LRIG1: variants seen among roughly 807,000 people sequenced by gnomAD.
LRIG1 encodes leucine-rich repeats and immunoglobulin-like domains protein 1.
LRIG1 carries 48 observed loss-of-function variants against 99.2 expected under a neutral mutation model. The observed-to-expected ratio is 0.48, with a 90% CI of 0.38 to 0.62. The LOEUF is 0.62. Ranked by LOEUF, LRIG1 falls within the 20% of genes least tolerant of loss-of-function variation. The probability of loss-of-function intolerance (pLI) is 0.00; values close to 1 mark genes in which losing one functional copy is unlikely to be tolerated. For synonymous variants in LRIG1, 772 were observed against 596.1 expected, an observed-to-expected ratio of 1.29 and a Z score of -4.30; for missense variants, 1,646 against 1,434.4, an observed-to-expected ratio of 1.15 and a Z score of -2.38.
chr3:66,412,805 A>G (rs1014058707), intron 6 of LRIG1, 66 bp downstream of exon 6: 17 of 1,581,428 alleles, frequency 1.1e-5, no homozygotes, highest in African/African-American at 2.7e-5. Context: ...GCACACACAC[A>G]CACGCCACAT....
At chr3:66,416,681 G>T (rs1702624513) in intron 4 of LRIG1, among the ~76,000 whole-genome samples, 1 of 152,180 alleles carries the variant, frequency 6.6e-6, no homozygotes, top group Admixed American at 6.5e-5. Flanking sequence ...TTGTTTTACA[G>T]TGCATGACAC....
chr3:66,492,960 T>C (rs1407594203), intron 1 of LRIG1, among the ~76,000 whole-genome samples: 5 of 152,184 alleles, frequency 3.3e-5, no homozygotes, highest in Admixed American at 1.3e-4. Context: ...GCCAGATTCC[T>C]CAAATGACCC....
rs181876335 is a variant in LRIG1, at chr3:66,420,064, G to A, written c.366-2798C>T. Among the ~76,000 whole-genome samples, 172 of 152,186 alleles carry A rather than the reference G, an allele frequency of 1.1e-3. No individual in the cohort carries two copies. The Middle Eastern group carries it at 0.014, about 12-fold the overall frequency. On this transcript the variant is annotated intron_variant, in intron 3 of 18. Coordinates refer to ENST00000273261, the MANE Select transcript of LRIG1 (RefSeq NM_015541.3). ...TATGCAAATCACATTTCTGATAAGG[G>A]GCTAATATCCAGATATAAAGAACCT...
At chr3:66,490,374 C>T (rs892366293) in intron 1 of LRIG1, among the ~76,000 whole-genome samples, 2 of 152,172 alleles carry the variant, frequency 1.3e-5, no homozygotes, top group South Asian at 4.1e-4. Flanking sequence ...CTGGAAGCAA[C>T]GAGCTCTTCT....
intron 1 of LRIG1, among the ~76,000 whole-genome samples, chr3:66,488,070 A>G (rs1023024462): frequency 2.0e-5 from 3 of 152,212 alleles, no homozygotes; most frequent in African/African-American, 7.2e-5. Flanking sequence ...ACGATAAAGA[A>G]TGAGTGGAAG....
At chr3:66,499,611 G>A (rs1453541338) in intron 1 of LRIG1, among the ~76,000 whole-genome samples, 1 of 152,124 alleles carries the variant, frequency 6.6e-6, no homozygotes, top group Non-Finnish European at 1.5e-5. Flanking sequence ...CGCACAGAGA[G>A]GCAAGTCAGG....
chr3:66,424,384 G>A (rs551251939), intron 3 of LRIG1, among the ~76,000 whole-genome samples: 1 of 152,224 alleles, frequency 6.6e-6, no homozygotes, highest in South Asian at 2.1e-4. Flanking sequence ...TAAACAGCTG[G>A]CATTCAAACC....
At chr3:66,467,895 A>C (rs1700511337) in intron 1 of LRIG1, among the ~76,000 whole-genome samples, 1 of 152,252 alleles carries the variant, frequency 6.6e-6, no homozygotes, top group Non-Finnish European at 1.5e-5. Context: ...TGAGCTACCC[A>C]ATAACTCGAG....
chr3:66,407,243 C>G (rs150497016), intron 8 of LRIG1, 105 bp downstream of exon 8: 72 of 1,247,428 alleles, frequency 5.8e-5, no homozygotes, highest in African/African-American at 2.8e-4. Context: ...GGATCCAATT[C>G]TGACTCGAAG....
In LRIG1 at chr3:66,408,972, G is replaced by A. The variant is rs1702374186; in HGVS notation, c.935+1157C>T. The stretch of plus-strand genomic sequence containing the variant: ...TGTGTGTGTGTGTGTGGTGGGGGGA[G>A]GGGGGGAGGAGGAGGGAAGGAAGGA... On this transcript the variant is annotated intron_variant, in intron 7 of 18. Coordinates refer to ENST00000273261, the MANE Select transcript of LRIG1 (RefSeq NM_015541.3). 1.4e-5 allele frequency among the ~76,000 whole-genome samples: 2 copies of A among 146,774 alleles called. 1 individual carries two copies. The highest frequency in any genetic ancestry group is 4.4e-4 in the South Asian group (2 of 4,534).
intron 4 of LRIG1, among the ~76,000 whole-genome samples, chr3:66,415,626 C>T (rs1702595981): frequency 6.6e-6 from 1 of 152,076 alleles, no homozygotes; most frequent in Non-Finnish European, 1.5e-5. Context: ...GTGCAGAATC[C>T]CTTCGTAAAA....
At chr3:66,445,994 C>T (rs1703704003) in intron 3 of LRIG1, among the ~76,000 whole-genome samples, 1 of 152,222 alleles carries the variant, frequency 6.6e-6, no homozygotes, top group Non-Finnish European at 1.5e-5. Flanking sequence ...TCATTATTCC[C>T]CCCAGCCCTG....
At chr3:66,464,008 T>C (rs1484388860) in intron 1 of LRIG1, among the ~76,000 whole-genome samples, 1 of 152,218 alleles carries the variant, frequency 6.6e-6, no homozygotes, top group Non-Finnish European at 1.5e-5. Context: ...AACTCAAGTG[T>C]GAGCTTGTCT....
intron 1 of LRIG1, among the ~76,000 whole-genome samples, chr3:66,465,358 T>C (rs1321605844): frequency 1.5e-4 from 1 of 6,730 alleles, no homozygotes; most frequent in Non-Finnish European, 8.9e-4. Flanking sequence ...CTGAGCATAA[T>C]TTTTTTTTTT....
At chr3:66,475,736 C>T (rs1700707696) in intron 1 of LRIG1, among the ~76,000 whole-genome samples, 1 of 152,178 alleles carries the variant, frequency 6.6e-6, no homozygotes, top group South Asian at 2.1e-4. Flanking sequence ...GTGCAGAAAG[C>T]ACCTGCACAA....
At chr3:66,439,647 T>C (rs1354021920) in intron 3 of LRIG1, among the ~76,000 whole-genome samples, 2 of 152,164 alleles carry the variant, frequency 1.3e-5, no homozygotes, top group Admixed American at 6.5e-5. Context: ...AAGTCAGTTT[T>C]GCCTATTGTT....
At chr3:66,394,281 T>G in intron 11 of LRIG1, 78 bp from the exon 12 acceptor site, 6 of 1,233,252 alleles carry the variant, frequency 4.9e-6, no homozygotes, top group African/African-American at 1.5e-5. Context: ...CAATGATCAG[T>G]CGCCTCCAAT....
At chr3:66,456,421 A>C (rs912926470) in intron 2 of LRIG1, among the ~76,000 whole-genome samples, 3 of 152,010 alleles carry the variant, frequency 2.0e-5, no homozygotes, top group Non-Finnish European at 4.4e-5. Context: ...TCTCTACAAA[A>C]AATTAGCCAG....
chr3:66,431,874 C>A (rs751236964), intron 3 of LRIG1, among the ~76,000 whole-genome samples: 1 of 152,194 alleles, frequency 6.6e-6, no homozygotes, highest in Non-Finnish European at 1.5e-5. Flanking sequence ...GCAGGGCACA[C>A]AGCCCACCAA....
Sources: gnomAD v4.1 joint callset for allele counts (sites outside exome capture counted in the v4.1 genomes callset) on GRCh38, gnomAD v4.1.1 for gene constraint, MANE v1.5 for transcripts, NCBI Gene and HGNC (gene_info 2026-07-23, HGNC 2026-07-21) for gene names.